Variants in HS3ST5 observed in about 807,000 individuals in gnomAD.
The protein encoded by HS3ST5 is heparan sulfate-glucosamine 3-sulfotransferase 5.
HS3ST5 carries 10 observed loss-of-function variants against 25.4 expected under a neutral mutation model. That is an observed-to-expected ratio of 0.39 (90% CI 0.24 to 0.67). The LOEUF (loss-of-function observed/expected upper bound fraction) is 0.67. HS3ST5 is among the 30% of genes least tolerant of loss of function. The probability of loss-of-function intolerance (pLI) is 0.44; values close to 1 mark genes in which losing one functional copy is unlikely to be tolerated. For missense variants in HS3ST5, 324 were observed against 420.7 expected (o/e 0.77, Z 2.01); for synonymous variants, 170 against 162.4 (o/e 1.05, Z -0.36).
At chr6:114,092,500 T>C (rs1388108665) in intron 3 of HS3ST5, among the ~76,000 whole-genome samples, 1 of 152,148 alleles carries the variant, frequency 6.6e-6, no homozygotes, top group Admixed American at 6.5e-5. Flanking sequence ...GCAGGTTTTA[T>C]GGATCACAAG....
chr6:114,253,409 C>T (rs1327711612), intron 1 of HS3ST5, among the ~76,000 whole-genome samples: 1 of 152,150 alleles, frequency 6.6e-6, no homozygotes, highest in East Asian at 1.9e-4. Context: ...CTGTTTCCTA[C>T]TGAGTTTTGC....
intron 3 of HS3ST5, among the ~76,000 whole-genome samples, chr6:114,120,759 C>T (rs1776748664): frequency 6.6e-6 from 1 of 152,160 alleles, no homozygotes; most frequent in Non-Finnish European, 1.5e-5. Flanking sequence ...AAAATCCTCT[C>T]TAAAAATACA....
At position 114,257,291 on chromosome 6, in the gene HS3ST5, T is replaced by G. The variant is rs1772974303; in HGVS notation, c.-338-28513A>C. Among the ~76,000 whole-genome samples the G allele has an allele frequency of 2.0e-5, 3 of 152,102 alleles. No individual in the cohort carries two copies. In the East Asian group the frequency reaches 5.8e-4, roughly 29 times the overall value. On this transcript the variant is annotated intron_variant, in intron 1 of 4. Transcript: ENST00000312719. ...TTTTAACGTAGAAAAATAAGAAAAATTTTGAAAAAAATTTACACTTCTGAG... is the reference window on the plus strand; with the variant it reads ...TTTTAACGTAGAAAAATAAGAAAAAGTTTGAAAAAAATTTACACTTCTGAG...
chr6:114,089,718 T>C (rs1434795439), intron 3 of HS3ST5, among the ~76,000 whole-genome samples: 3 of 152,218 alleles, frequency 2.0e-5, no homozygotes, highest in Non-Finnish European at 4.4e-5. Flanking sequence ...TCATTATTAA[T>C]TGTATTGGAT....
At chr6:114,332,911 G>T (rs1206213252) in intron 1 of HS3ST5, among the ~76,000 whole-genome samples, 2 of 152,098 alleles carry the variant, frequency 1.3e-5, no homozygotes, top group Non-Finnish European at 2.9e-5. Flanking sequence ...TCACCCAATT[G>T]TAAGGACCTT....
At chr6:114,127,465 G>GTAACC (rs375213345) in intron 3 of HS3ST5, among the ~76,000 whole-genome samples, 112 of 152,084 alleles carry the variant, frequency 7.4e-4, no homozygotes, top group African/African-American at 2.5e-3. Context: ...GAAACAAATA[G>GTAACC]TAACCTAACT....
At chr6:114,209,543 T>C (rs1343145054) in intron 2 of HS3ST5, among the ~76,000 whole-genome samples, 1 of 152,180 alleles carries the variant, frequency 6.6e-6, no homozygotes, top group African/African-American at 2.4e-5. Context: ...GAATAAATGA[T>C]TTGGTATTCA....
intron 3 of HS3ST5, chr6:114,089,072 G>A (rs1375256772): frequency 6.6e-6 from 1 of 152,214 alleles, no homozygotes; most frequent in Non-Finnish European, 1.5e-5. Flanking sequence ...CTGAATGAAT[G>A]AATGAATAAA....
Position 114,278,260 on chromosome 6 carries a change from GTTCAA to G in HS3ST5, c.-338-49487_-338-49483del, listed in dbSNP as rs201348943. Among the ~76,000 whole-genome samples the G allele has an allele frequency of 8.8e-3, 1,344 of 152,038 alleles. 20 individuals are homozygous for G. The highest frequency in any genetic ancestry group is 0.03 in the African/African-American group (1,264 of 41,522). On this transcript the variant is annotated intron_variant, in intron 1 of 4. Coordinates refer to ENST00000312719, the MANE Select transcript of HS3ST5 (RefSeq NM_153612.4). ...GTCAAAATCAATAGAAATCCTTGCT[GTTCAA>G]TTCTTCTACTTCTTGAATTTGAATG... is the stretch of plus-strand genomic sequence containing the variant.
chr6:114,311,472 G>A (rs1215581900), intron 1 of HS3ST5, among the ~76,000 whole-genome samples: 2 of 148,722 alleles, frequency 1.3e-5, no homozygotes, highest in African/African-American at 5.0e-5. Flanking sequence ...TAAATATAAA[G>A]CTATTTTTAA....
intron 2 of HS3ST5, among the ~76,000 whole-genome samples, chr6:114,210,289 T>G (rs1429787737): frequency 6.6e-6 from 1 of 152,210 alleles, no homozygotes; most frequent in Non-Finnish European, 1.5e-5. Context: ...AAAAGCCTCT[T>G]GTAGACTTGC....
At chr6:114,170,973 T>A (rs1779450566) in intron 2 of HS3ST5, among the ~76,000 whole-genome samples, 1 of 152,184 alleles carries the variant, frequency 6.6e-6, no homozygotes, top group Admixed American at 6.5e-5. Flanking sequence ...GCATCTTTTG[T>A]TGGTTTCTAT....
chr6:114,341,206 GA>G (rs1776831703), intron 1 of HS3ST5, among the ~76,000 whole-genome samples: 25 of 102,856 alleles, frequency 2.4e-4, no homozygotes, highest in African/African-American at 5.7e-4. Flanking sequence ...GAGGGAGAGG[GA>G]ATAGGGAGAG....
At position 114,228,578 on chromosome 6, in the gene HS3ST5, T is replaced by G. The variant is rs1263604021; in HGVS notation, c.-145+7A>C. 6.6e-6 allele frequency: 1 copy of G among 152,170 alleles called. No homozygotes were observed. Among genetic ancestry groups the G allele is most frequent in the Non-Finnish European group, 1.5e-5 (1 of 68,018 alleles). 9.4% of individuals were successfully genotyped at this position (152,170 alleles called of 1,614,324 possible). A position where few individuals can be genotyped will look rare whatever the true frequency, so the allele number is the denominator to read the frequency against. On this transcript the variant is annotated splice_region_variant and intron_variant, in intron 2 of 4. Transcript: ENST00000312719. Reference sequence around the variant, plus strand: ...TATGTGTGGTGGTACCCCCTAAATTTGCTTACCTTCAAATCCTTGTGCTCA... The same window carrying G: ...TATGTGTGGTGGTACCCCCTAAATTGGCTTACCTTCAAATCCTTGTGCTCA...
chr6:114,195,199 G>T (rs1464452643), intron 2 of HS3ST5, among the ~76,000 whole-genome samples: 2 of 152,172 alleles, frequency 1.3e-5, no homozygotes, highest in Non-Finnish European at 2.9e-5. Flanking sequence ...CCCCAGAGAT[G>T]ACCAAGTTCC....
At chr6:114,079,749 C>A (rs975214406) in intron 3 of HS3ST5, among the ~76,000 whole-genome samples, 3 of 152,200 alleles carry the variant, frequency 2.0e-5, no homozygotes, top group South Asian at 4.2e-4. Flanking sequence ...GGAGCTATAG[C>A]CTTATGAAAT....
intron 2 of HS3ST5, among the ~76,000 whole-genome samples, chr6:114,199,081 G>A (rs1780895101): frequency 6.6e-6 from 1 of 152,146 alleles, no homozygotes; most frequent in African/African-American, 2.4e-5. Context: ...AATAGTGGTA[G>A]GGGTAAAAAT....
At chr6:114,108,551 C>T (rs906380956) in intron 3 of HS3ST5, among the ~76,000 whole-genome samples, 1 of 152,122 alleles carries the variant, frequency 6.6e-6, no homozygotes, top group African/African-American at 2.4e-5. Flanking sequence ...AAACCCTTTC[C>T]TCTGGTAATA....
At chr6:114,232,931 C>T (rs1190418681) in intron 1 of HS3ST5, among the ~76,000 whole-genome samples, 4 of 152,064 alleles carry the variant, frequency 2.6e-5, no homozygotes, top group African/African-American at 4.8e-5. Flanking sequence ...TGTGCCAATC[C>T]CTTGTGTAAA....
Sources: gnomAD v4.1 joint callset for allele counts (sites outside exome capture counted in the v4.1 genomes callset) on GRCh38, gnomAD v4.1.1 for gene constraint, MANE v1.5 for transcripts, NCBI Gene and HGNC (gene_info 2026-07-23, HGNC 2026-07-21) for gene names.